Variants in ARHGAP25 observed in about 807,000 individuals in gnomAD.
ARHGAP25 encodes the protein rho GTPase-activating protein 25.
ARHGAP25 carries 34 observed loss-of-function variants against 71.0 expected under a neutral mutation model. The observed-to-expected ratio is 0.48, with a 90% CI of 0.36 to 0.64. The LOEUF (loss-of-function observed/expected upper bound fraction) is 0.64. Among genes scored for constraint, ARHGAP25 ranks in the 30% least tolerant of loss-of-function variants. ARHGAP25 has a pLI of 0.00. For missense variants in ARHGAP25, 706 were observed against 805.1 expected, an observed-to-expected ratio of 0.88 and a Z score of 1.49; for synonymous variants, 282 against 296.5, an observed-to-expected ratio of 0.95 and a Z score of 0.50.
chr2:68,796,231 C>G (rs900974107), intron 4 of ARHGAP25, among the ~76,000 whole-genome samples: 9 of 152,166 alleles, frequency 5.9e-5, no homozygotes, highest in African/African-American at 2.2e-4. Flanking sequence ...TCATTCATAT[C>G]CTGAACTGAT....
In ARHGAP25 at chr2:68,822,645, C is replaced by T. The variant is rs1681781100; in HGVS notation, c.1506C>T (p.Thr502=). The change falls in exon 10 of 11, where the codon ACC becomes ACT. Residue 502 remains threonine (T), a synonymous_variant. Coordinates refer to ENST00000409202, the MANE Select transcript of ARHGAP25 (RefSeq NM_001007231.3). ...TTTCTGACTCCCAACGGACTTCCAC[C>T]TACGATAACGTCCCTTCCCTGCCAG... ...RQLSDSQRTS[T]YDNVPSLPGS... is the part of the protein sequence containing the mutation. The T allele has an allele frequency of 3.7e-6, 6 of 1,614,014 alleles. No homozygotes were observed. Among genetic ancestry groups the T allele is most frequent in the African/African-American group, 1.3e-5 (1 of 74,930 alleles).
At chr2:68,769,573 C>T (rs538366268) in intron 1 of ARHGAP25, among the ~76,000 whole-genome samples, 22 of 152,174 alleles carry the variant, frequency 1.4e-4, no homozygotes, top group South Asian at 8.3e-4. Context: ...AAGGGAGTAC[C>T]CCTGTCTTCT....
intron 4 of ARHGAP25, among the ~76,000 whole-genome samples, chr2:68,802,534 G>A (rs1363807282): frequency 6.6e-6 from 1 of 151,982 alleles, no homozygotes; most frequent in Non-Finnish European, 1.5e-5. Context: ...TGTATTAATG[G>A]CTTTGTATTT....
chr2:68,723,203 A>G (rs1674805041), intron 2 of ARHGAP25, among the ~76,000 whole-genome samples: 1 of 152,226 alleles, frequency 6.6e-6, no homozygotes, highest in Non-Finnish European at 1.5e-5. Context: ...AGCACATGAC[A>G]AAGGGAGTTA....
At chr2:68,752,947 T>C (rs941856482) in intron 1 of ARHGAP25, among the ~76,000 whole-genome samples, 3 of 152,162 alleles carry the variant, frequency 2.0e-5, no homozygotes, top group Non-Finnish European at 2.9e-5. Context: ...GATAATTCTT[T>C]ATTGTTGGGG....
chr2:68,721,011 T>A (rs1669896588), intron 2 of ARHGAP25, among the ~76,000 whole-genome samples: 1 of 152,182 alleles, frequency 6.6e-6, no homozygotes, highest in Non-Finnish European at 1.5e-5. Context: ...TGTGGCATAA[T>A]ATCCTCATTG....
At position 68,816,335 on chromosome 2, in the gene ARHGAP25, A is replaced by G. The variant is rs759457813; in HGVS notation, c.854A>G (p.Asn285Ser). 2 of 1,613,898 alleles carry G rather than the reference A, an allele frequency of 1.2e-6. No homozygotes were observed. The highest frequency in any genetic ancestry group is 1.3e-5 in the African/African-American group (1 of 75,018). Residue 285 changes from asparagine to serine, a missense_variant, in exon 7 of 11, where the codon AAC (asparagine) becomes AGC (serine). By Grantham distance (46) the Asn-to-Ser change is conservative (BLOSUM62 1). Transcript: ENST00000409202. ...CAGCTCTCCATCCTTCCTCGTGACA[A>G]CTATAGTCTCCTGAGCTACATCTGC... The part of the protein sequence containing the change: ...MKQLSILPRD[N>S]YSLLSYICRF...
intron 2 of ARHGAP25, among the ~76,000 whole-genome samples, chr2:68,725,236 C>T (rs940319034): frequency 4.9e-4 from 74 of 152,198 alleles, no homozygotes; most frequent in African/African-American, 1.7e-3. Context: ...TTGCAGTCAG[C>T]TCTAAGGTCT....
rs1285365183 is a variant in ARHGAP25 at position 68,765,508 on chromosome 2, A to G, written c.62-9713A>G. On this transcript the variant is annotated intron_variant, in intron 1 of 10. Transcript: ENST00000409202. ...AGACCCACTACTGAAGTTCAACAGA[A>G]TATTTCGTCACATTGTTTTATCTAT... Among the ~76,000 whole-genome samples the G allele has an allele frequency of 5.3e-5, 8 of 152,212 alleles. 1 individual carries two copies. In the South Asian group the frequency reaches 6.2e-4, roughly 12 times the overall value.
chr2:68,716,103 A>G (rs1265764574), intron 2 of ARHGAP25, among the ~76,000 whole-genome samples: 1 of 152,134 alleles, frequency 6.6e-6, no homozygotes, highest in Non-Finnish European at 1.5e-5. Flanking sequence ...ATCCACTGAC[A>G]GGCTTCCAGA....
chr2:68,738,965 G>A (rs1410553527), intron 1 of ARHGAP25, among the ~76,000 whole-genome samples: 2 of 152,126 alleles, frequency 1.3e-5, no homozygotes, highest in Admixed American at 6.5e-5. Context: ...ATGTCTGTCC[G>A]TAATGTTGCT....
intron 1 of ARHGAP25, among the ~76,000 whole-genome samples, chr2:68,763,128 A>G (rs1676925198): frequency 6.6e-6 from 1 of 152,268 alleles, no homozygotes; most frequent in South Asian, 2.1e-4. Flanking sequence ...GCTGTAACCA[A>G]GACAATGATG....
intron 2 of ARHGAP25, among the ~76,000 whole-genome samples, chr2:68,777,596 G>T (rs1431322148): frequency 6.6e-6 from 1 of 152,130 alleles, no homozygotes; most frequent in African/African-American, 2.4e-5. Flanking sequence ...GGATGACAAG[G>T]ATAATTTATT....
At chr2:68,824,927 C>T (rs1424626062) in intron 10 of ARHGAP25, among the ~76,000 whole-genome samples, 1 of 152,008 alleles carries the variant, frequency 6.6e-6, no homozygotes, top group African/African-American at 2.4e-5. Context: ...AATGGGCAGG[C>T]CATTTGGGGA....
intron 2 of ARHGAP25, among the ~76,000 whole-genome samples, chr2:68,714,398 G>A (rs918350379): frequency 6.6e-6 from 1 of 152,110 alleles, no homozygotes; most frequent in Non-Finnish European, 1.5e-5. Context: ...AGTCTGGTTA[G>A]TGGTCTATGT....
intron 2 of ARHGAP25, among the ~76,000 whole-genome samples, chr2:68,726,272 G>C (rs947374646): frequency 6.6e-6 from 1 of 152,092 alleles, no homozygotes; most frequent in Non-Finnish European, 1.5e-5. Context: ...AGGCAGAGTG[G>C]GTCTATTATG....
rs1349462461 is a variant in ARHGAP25, at chr2:68,787,719, TG to T, written c.350-120del. 5 of 769,208 alleles carry T rather than the reference TG, an allele frequency of 6.5e-6. No homozygotes were observed. The Admixed American group carries it at 9.5e-5, about 15-fold the overall frequency. 47.6% of individuals were successfully genotyped at this position (769,208 alleles called of 1,614,324 possible). A position where few individuals can be genotyped will look rare whatever the true frequency, so the allele number is the denominator to read the frequency against. On this transcript the variant is annotated intron_variant, in intron 3 of 10. Coordinates refer to ENST00000409202, the MANE Select transcript of ARHGAP25 (RefSeq NM_001007231.3). Reference sequence around the variant, plus strand: ...GGATAATTCGACAATGCATTTGTGTTGTTTGGCTGGTAGTGCTTCATTGAAC... The same window carrying T: ...GGATAATTCGACAATGCATTTGTGTTTTTGGCTGGTAGTGCTTCATTGAAC...
chr2:68,815,989 G>T (rs62133268), intron 6 of ARHGAP25, among the ~76,000 whole-genome samples: 2 of 152,056 alleles, frequency 1.3e-5, no homozygotes, highest in East Asian at 1.9e-4. Context: ...AACAATTAAC[G>T]TATGAGTTGT....
intron 1 of ARHGAP25, among the ~76,000 whole-genome samples, chr2:68,743,481 A>G (rs1281567236): frequency 6.6e-6 from 1 of 152,106 alleles, no homozygotes; most frequent in East Asian, 1.9e-4. Context: ...TCTTGTCCTC[A>G]ATTCTGCTGT....
Sources: allele counts gnomAD v4.1 joint callset (sites outside exome capture counted in the v4.1 genomes callset), GRCh38; gene constraint gnomAD v4.1.1; transcripts MANE v1.5; gene names NCBI Gene and HGNC (gene_info 2026-07-23, HGNC 2026-07-21).